STK32B: variants seen among roughly 807,000 people sequenced by gnomAD.
The protein encoded by STK32B is serine/threonine-protein kinase 32B.
In STK32B, 43 loss-of-function variants were observed where a neutral mutation model predicts 52.6. The observed-to-expected ratio is 0.82, with a 90% CI of 0.64 to 1.05. The LOEUF is 1.05. STK32B is among the 50% of genes least tolerant of loss of function. STK32B has a pLI of 0.00. For missense variants in STK32B, 621 were observed against 534.6 expected, an observed-to-expected ratio of 1.16 and a Z score of -1.59; for synonymous variants, 238 against 204.3, an observed-to-expected ratio of 1.17 and a Z score of -1.41.
At chr4:5,090,447 C>T (rs1713012978) in intron 1 of STK32B, among the ~76,000 whole-genome samples, 1 of 136,822 alleles carries the variant, frequency 7.3e-6, no homozygotes, top group Non-Finnish European at 1.5e-5. Flanking sequence ...ACAATCTTGG[C>T]TCACTGCAAA....
At chr4:5,244,960 G>A (rs756150394) in intron 3 of STK32B, among the ~76,000 whole-genome samples, 3 of 152,162 alleles carry the variant, frequency 2.0e-5, no homozygotes, top group Admixed American at 6.6e-5. Context: ...TATAATTTCT[G>A]TTCTTTTGCA....
At chr4:5,445,095 C>A (rs35117662) in intron 6 of STK32B, among the ~76,000 whole-genome samples, 19,191 of 152,210 alleles carry the variant, frequency 0.13, 1,396 homozygotes, top group East Asian at 0.28. Flanking sequence ...ATACTGCTGG[C>A]CCTCTCTGAA....
intron 3 of STK32B, among the ~76,000 whole-genome samples, chr4:5,304,261 C>T (rs1006507754): frequency 5.3e-5 from 8 of 152,006 alleles, no homozygotes; most frequent in African/African-American, 1.9e-4. Flanking sequence ...TTGTACATTG[C>T]TTTTGACAGT....
At chr4:5,348,171 G>C (rs1477694132) in intron 4 of STK32B, among the ~76,000 whole-genome samples, 2 of 152,124 alleles carry the variant, frequency 1.3e-5, no homozygotes, top group African/African-American at 4.8e-5. Context: ...AGACCCCTCA[G>C]GGGTCCAGAT....
intron 3 of STK32B, among the ~76,000 whole-genome samples, chr4:5,226,793 G>A (rs558680701): frequency 6.6e-6 from 1 of 152,310 alleles, no homozygotes; most frequent in African/African-American, 2.4e-5. Flanking sequence ...CCAGAGGTGT[G>A]TGTGTATAGA....
intron 5 of STK32B, among the ~76,000 whole-genome samples, chr4:5,402,885 T>A (rs1737409160): frequency 6.6e-6 from 1 of 152,092 alleles, no homozygotes; most frequent in Non-Finnish European, 1.5e-5. Context: ...AAGGGACATG[T>A]ACATTGGATT....
chr4:5,438,121 T>C, intron 6 of STK32B: 1 of 985,508 alleles, frequency 1.0e-6, no homozygotes, highest in Non-Finnish European at 1.2e-6. Flanking sequence ...CATTCTGCAC[T>C]GCTGGGTGCA....
At chr4:5,202,982 A>T (rs188084633) in intron 3 of STK32B, among the ~76,000 whole-genome samples, 81 of 152,338 alleles carry the variant, frequency 5.3e-4, no homozygotes, top group African/African-American at 1.9e-3. Context: ...GCAAATTCAC[A>T]GTGTGGAATT....
chr4:5,033,519 C>T, the STK32B span, among the ~76,000 whole-genome samples: 1 of 152,244 alleles, frequency 6.6e-6, no homozygotes, highest in African/African-American at 2.4e-5. Flanking sequence ...TCAGCCTCTT[C>T]TCGTTGCTGG....
At chr4:5,162,366 GT>G (rs1481053338) in intron 2 of STK32B, among the ~76,000 whole-genome samples, 1 of 152,090 alleles carries the variant, frequency 6.6e-6, no homozygotes, top group Non-Finnish European at 1.5e-5. Flanking sequence ...AGAGCTTTGG[GT>G]GTGCTGCAGA....
intron 3 of STK32B, among the ~76,000 whole-genome samples, chr4:5,241,088 T>G (rs943373301): frequency 5.3e-5 from 8 of 152,236 alleles, no homozygotes; most frequent in Non-Finnish European, 1.2e-4. Flanking sequence ...ATAGTTTTTT[T>G]CTTTATTGTG....
At chr4:5,108,195 C>G (rs1714210844) in intron 1 of STK32B, among the ~76,000 whole-genome samples, 1 of 152,182 alleles carries the variant, frequency 6.6e-6, no homozygotes, top group Non-Finnish European at 1.5e-5. Context: ...TGTACTGATT[C>G]ACATAGTTGT....
chr4:5,030,759 C>T, the STK32B span, among the ~76,000 whole-genome samples: 1 of 152,102 alleles, frequency 6.6e-6, no homozygotes, highest in African/African-American at 2.4e-5. Context: ...CTTCCTGCCA[C>T]TTAAGACGAG....
At chr4:5,441,052 T>G (rs912246299) in intron 6 of STK32B, among the ~76,000 whole-genome samples, 1 of 150,120 alleles carries the variant, frequency 6.7e-6, no homozygotes, top group African/African-American at 2.4e-5. Context: ...TCAAGGATAT[T>G]GGTCTAAAAT....
chr4:5,385,360 CAA>C, intron 4 of STK32B, among the ~76,000 whole-genome samples: 1 of 151,512 alleles, frequency 6.6e-6, no homozygotes, highest in African/African-American at 2.4e-5. Context: ...TTCCAGGAGA[CAA>C]GAGTGGCTTC....
intron 4 of STK32B, among the ~76,000 whole-genome samples, chr4:5,355,712 C>T (rs909294694): frequency 1.3e-5 from 2 of 152,142 alleles, no homozygotes; most frequent in African/African-American, 4.8e-5. Context: ...AATATCTCCA[C>T]ACATCATCAA....
rs567147972 is a variant in STK32B, at chr4:5,397,451, A to G, written c.435-756A>G. 8.5e-5 allele frequency among the ~76,000 whole-genome samples: 13 copies of G among 152,288 alleles called. No individual in the cohort carries two copies. The East Asian group carries it at 2.5e-3, about 29-fold the overall frequency. ...CAGCCTTCAGAATGTTTCACTTGGA[A>G]TTGAGAGGCCTTTTGCTATAATGGT... is the stretch of plus-strand genomic sequence containing the variant. On this transcript the variant is annotated intron_variant, in intron 4 of 11. Transcript: ENST00000282908.
intron 11 of STK32B, among the ~76,000 whole-genome samples, chr4:5,471,351 A>G (rs1468068059): frequency 6.6e-6 from 1 of 152,096 alleles, no homozygotes; most frequent in Non-Finnish European, 1.5e-5. Flanking sequence ...CTGTCCTGAC[A>G]AGAGAAGAGG....
chr4:5,078,445 T>C (rs1227540324), intron 1 of STK32B, among the ~76,000 whole-genome samples: 3 of 152,150 alleles, frequency 2.0e-5, no homozygotes, highest in Non-Finnish European at 2.9e-5. Context: ...AAGCTAAAAA[T>C]TCAAGTAAAA....
Sources: gnomAD v4.1 joint callset for allele counts (sites outside exome capture counted in the v4.1 genomes callset) on GRCh38, gnomAD v4.1.1 for gene constraint, MANE v1.5 for transcripts, NCBI Gene and HGNC (gene_info 2026-07-23, HGNC 2026-07-21) for gene names.